The following CDK12 variants were observed in gnomAD, a reference collection of about 807,000 sequenced individuals.
The protein encoded by CDK12 is cyclin-dependent kinase 12.
CDK12 carries 17 observed loss-of-function variants against 133.8 expected under a neutral mutation model. That is an observed-to-expected ratio of 0.13 (90% CI 0.09 to 0.19). The LOEUF (loss-of-function observed/expected upper bound fraction) is 0.19, where lower values mean the gene tolerates loss of function less well. CDK12 is among the 10% of genes least tolerant of loss of function. The pLI, the probability that CDK12 is intolerant of heterozygous loss-of-function variation, is 1.00. For missense variants in CDK12, 1,508 were observed against 1,818.7 expected, an observed-to-expected ratio of 0.83 and a Z score of 3.11; for synonymous variants, 694 against 683.6, an observed-to-expected ratio of 1.02 and a Z score of -0.24.
chr17:39,481,643 T>TCTCTCC (rs2050681492), intron 2 of CDK12, among the ~76,000 whole-genome samples: 2 of 9,404 alleles, frequency 2.1e-4, no homozygotes, highest in Admixed American at 1.1e-3. Flanking sequence ...GCTCTCTCTC[T>TCTCTCC]CTCTCTCTCT....
chr17:39,520,879 C>T (rs1448565487), intron 11 of CDK12, among the ~76,000 whole-genome samples: 2 of 152,074 alleles, frequency 1.3e-5, no homozygotes, highest in Non-Finnish European at 2.9e-5. Flanking sequence ...TGGAGTTTCG[C>T]TCTTGTTCCC....
chr17:39,501,437 C>T lies in CDK12; in HGVS notation c.2607C>T (p.Asn869=), dbSNP rs2146146213. ...AGTGTTCTAACATTTTGCTGAATAA[C>T]AGGTAACATAGTAACCAAATAAGAT... ...DIKCSNILLN[N]SGQIKLADFG... is the part of the protein sequence containing the mutation. The change falls in exon 6 of 14, where the codon AAC becomes AAT. Residue 869 remains asparagine, a splice_region_variant and synonymous_variant. Coordinates refer to ENST00000447079, the MANE Select transcript of CDK12 (RefSeq NM_016507.4). 1 of 1,604,694 alleles carries T rather than the reference C, an allele frequency of 6.2e-7. No individual in the cohort carries two copies. The highest frequency in any genetic ancestry group is 1.1e-5 in the South Asian group (1 of 89,586).
intron 11 of CDK12, 110 bp from the exon 12 acceptor site, chr17:39,524,564 A>T: frequency 3.2e-6 from 3 of 942,610 alleles, no homozygotes; most frequent in Non-Finnish European, 4.8e-6. Flanking sequence ...TGTTTTCCTT[A>T]TTCTTTACAT....
chr17:39,479,907 G>A (rs187199280), intron 2 of CDK12, among the ~76,000 whole-genome samples: 46 of 145,068 alleles, frequency 3.2e-4, no homozygotes, highest in African/African-American at 1.1e-3. Context: ...GATTACAGGC[G>A]TGAGTCACTG....
In CDK12 at chr17:39,498,509, C is replaced by T. The variant is rs2052320517; in HGVS notation, c.2420-2741C>T. Among the ~76,000 whole-genome samples, 6 of 152,162 alleles carry T rather than the reference C, an allele frequency of 3.9e-5. No homozygotes were observed. In the South Asian group the frequency reaches 1.2e-3, roughly 32 times the overall value. On this transcript the variant is annotated intron_variant, in intron 5 of 13. Coordinates refer to ENST00000447079, the MANE Select transcript of CDK12 (RefSeq NM_016507.4). Reference sequence around the variant, plus strand: ...AAGTGCTGGGATTACAGGCGTGAGCCGCCGCGCCCGGCCATCCTTCTCTTT... The same window carrying T: ...AAGTGCTGGGATTACAGGCGTGAGCTGCCGCGCCCGGCCATCCTTCTCTTT...
At chr17:39,505,005 C>T (rs1004244714) in intron 6 of CDK12, among the ~76,000 whole-genome samples, 78 of 150,598 alleles carry the variant, frequency 5.2e-4, no homozygotes, top group Non-Finnish European at 8.5e-4. Context: ...CCGAGGCGGA[C>T]GGATCATGAG....
At chr17:39,525,730 A>T in intron 12 of CDK12, 134 bp from the exon 13 acceptor site, 1 of 659,534 alleles carries the variant, frequency 1.5e-6, no homozygotes, top group Non-Finnish European at 2.6e-6. Context: ...TGACATTTTG[A>T]GGCATGAAAA....
intron 2 of CDK12, among the ~76,000 whole-genome samples, chr17:39,488,558 A>G (rs2051317697): frequency 6.6e-6 from 1 of 152,042 alleles, no homozygotes; most frequent in Non-Finnish European, 1.5e-5. Context: ...TTTTACAGGG[A>G]AAGCATTCTA....
chr17:39,542,471 G>A (rs549227665), intron 1 of CDK12, among the ~76,000 whole-genome samples: 5 of 151,730 alleles, frequency 3.3e-5, no homozygotes, highest in African/African-American at 7.3e-5. Context: ...GATTACAGGC[G>A]TGAGCCACCG....
chr17:39,473,999 G>T (rs541818284), intron 2 of CDK12, among the ~76,000 whole-genome samples: 13 of 152,188 alleles, frequency 8.5e-5, no homozygotes, highest in Non-Finnish European at 1.8e-4. Context: ...AGAGGCTGCA[G>T]TGAGCCGAGG....
chr17:39,483,160 G>A (rs1197274968), intron 2 of CDK12, among the ~76,000 whole-genome samples: 3 of 151,982 alleles, frequency 2.0e-5, no homozygotes, highest in East Asian at 1.9e-4. Context: ...TGATCCACCC[G>A]CCTTGGCCTC....
chr17:39,490,648 C>T lies in CDK12; in HGVS notation c.2023C>T (p.Leu675Phe). ...CACAGACCTTCCTCTCCCTCCAGAG[C>T]TCCCTGGTGGAGATCTGTCTCCCCC... ...LLTDLPLPPE[L>F]PGGDLSPPDS... Residue 675 changes from leucine to phenylalanine, a missense_variant, in exon 3 of 14, where the codon CTC (leucine) becomes TTC (phenylalanine). By Grantham distance (22) the Leu-to-Phe change is conservative. Transcript: ENST00000447079. 1 of 1,612,924 alleles carries T rather than the reference C, an allele frequency of 6.2e-7. No homozygotes were observed. Among genetic ancestry groups the T allele is most frequent in the Non-Finnish European group, 8.5e-7 (1 of 1,178,974 alleles).
At chr17:39,519,770 A>G (rs1199479019) in intron 10 of CDK12, among the ~76,000 whole-genome samples, 186 bp from the exon 11 acceptor site, 4 of 151,772 alleles carry the variant, frequency 2.6e-5, no homozygotes, top group Admixed American at 6.6e-5. Flanking sequence ...AAAAATATAT[A>G]TATATTTGTA....
intron 6 of CDK12, among the ~76,000 whole-genome samples, chr17:39,503,247 A>G (rs988499978): frequency 2.6e-4 from 39 of 152,038 alleles, no homozygotes; most frequent in African/African-American, 8.2e-4. Flanking sequence ...TAATTTTTCT[A>G]TTTTTAGTAG....
Position 39,525,889 on chromosome 17 carries a change from G to A in CDK12, c.3333G>A (p.Leu1111=), listed in dbSNP as rs752559805. ...AIGLADITQQ[L]NQSELAVLLN... ...GCCTTGCTGACATCACACAACAGCT[G>A]AATCAAAGTGAATTGGCAGTGTTAT... Residue 1111 remains leucine, a synonymous_variant, in exon 13 of 14, where the codon CTG becomes CTA. Coordinates refer to ENST00000447079, the MANE Select transcript of CDK12 (RefSeq NM_016507.4). 4 of 1,614,020 alleles carry A rather than the reference G, an allele frequency of 2.5e-6. No individual in the cohort carries two copies. The African/African-American group carries it at 5.3e-5, about 22-fold the overall frequency.
intron 1 of CDK12, among the ~76,000 whole-genome samples, chr17:39,469,516 A>G (rs796321591): frequency 3.5e-4 from 53 of 152,230 alleles, no homozygotes; most frequent in African/African-American, 1.2e-3. Context: ...AAGGAACAAC[A>G]TATTTTTCTG....
At chr17:39,561,357 C>T (rs913136274) in intron 3 of CDK12, among the ~76,000 whole-genome samples, 2 of 152,206 alleles carry the variant, frequency 1.3e-5, no homozygotes, top group African/African-American at 4.8e-5. Flanking sequence ...CAAACCCATA[C>T]ATCCACATAC....
chr17:39,521,634 A>C (rs1225566799), intron 11 of CDK12, among the ~76,000 whole-genome samples: 1 of 152,010 alleles, frequency 6.6e-6, no homozygotes, highest in African/African-American at 2.4e-5. Context: ...ATCTCGGCTC[A>C]CTGCAACCTC....
At chr17:39,495,355 G>A (rs1431018527) in intron 5 of CDK12, among the ~76,000 whole-genome samples, 2 of 143,554 alleles carry the variant, frequency 1.4e-5, no homozygotes, top group Admixed American at 1.4e-4. Flanking sequence ...TGGGATTATA[G>A]GAGTGAGCTA....
Sources: gnomAD v4.1 joint callset for allele counts (sites outside exome capture counted in the v4.1 genomes callset) on GRCh38, gnomAD v4.1.1 for gene constraint, MANE v1.5 for transcripts, NCBI Gene and HGNC (gene_info 2026-07-23, HGNC 2026-07-21) for gene names.